The following CEP192 variants were observed in gnomAD, a reference collection of about 807,000 sequenced individuals.
CEP192 encodes centrosomal protein of 192 kDa.
Under a neutral mutation model 271.8 loss-of-function variants are expected in CEP192, and 151 were observed. That is an observed-to-expected ratio of 0.56 (90% CI 0.49 to 0.64). CEP192 has a LOEUF of 0.64. Among genes scored for constraint, CEP192 ranks in the 30% least tolerant of loss-of-function variants. CEP192 has a pLI of 0.00. For missense variants in CEP192, 2,910 were observed against 3,020.5 expected (o/e 0.96, Z 0.86); for synonymous variants, 995 against 1,076.5 (o/e 0.92, Z 1.48).
At chr18:13,031,081 G>A (rs913087915) in intron 11 of CEP192, among the ~76,000 whole-genome samples, 9 of 152,032 alleles carry the variant, frequency 5.9e-5, no homozygotes, top group African/African-American at 2.2e-4. Flanking sequence ...CATCATCCCC[G>A]ACAGTGAATA....
rs1052711321 is a variant in CEP192 at position 13,067,731 on chromosome 18, G to A, written c.4489-100G>A. The A allele has an allele frequency of 2.1e-5, 20 of 932,272 alleles. No homozygotes were observed. The African/African-American group carries it at 2.5e-4, about 11-fold the overall frequency. The allele number at this position is 932,272 out of a possible 1,614,324, so 57.7% of individuals were successfully genotyped here. On this transcript the variant is annotated intron_variant, in intron 21 of 44. Transcript: ENST00000506447. ...ATGTAGGTAAGTTTTACTTACTGCT[G>A]ACTCATAATTTGTGGCTAGAAATGG...
chr18:13,010,473 A>G (rs1031401158), intron 4 of CEP192, among the ~76,000 whole-genome samples: 7 of 152,244 alleles, frequency 4.6e-5, no homozygotes, highest in Middle Eastern at 3.2e-3. Context: ...TATCACTCAA[A>G]TAAGCAATAA....
At chr18:13,045,940 C>T (rs1418468740) in intron 15 of CEP192, among the ~76,000 whole-genome samples, 5 of 152,124 alleles carry the variant, frequency 3.3e-5, no homozygotes, top group Non-Finnish European at 4.4e-5. Context: ...CTTTATATTT[C>T]AGATGTTATA....
chr18:13,077,928 AAATT>A (rs762035381), intron 30 of CEP192, among the ~76,000 whole-genome samples: 50 of 140,222 alleles, frequency 3.6e-4, no homozygotes, highest in Admixed American at 1.2e-3. Flanking sequence ...CATCTTTTTA[AAATT>A]AATTAATTAA....
At chr18:13,098,558 G>A (rs534433499) in intron 36 of CEP192, among the ~76,000 whole-genome samples, 2 of 151,246 alleles carry the variant, frequency 1.3e-5, no homozygotes, top group South Asian at 4.2e-4. Context: ...CGGGGCAGAG[G>A]CGCTCCCCAC....
In CEP192 at chr18:13,056,175, A is replaced by G. The variant is rs1453035416; in HGVS notation, c.3585A>G (p.Glu1195=). ...HPVSCQEPID[E]DQRISPKDKS... is the part of the protein sequence containing the mutation. The stretch of plus-strand genomic sequence containing the variant: ...TGTCCTGCCAGGAGCCTATAGATGA[A>G]GATCAAAGAATAAGTCCTAAAGATA... The change falls in exon 19 of 45, where the codon GAA becomes GAG. Residue 1195 remains glutamate, a synonymous_variant. Coordinates refer to ENST00000506447, the MANE Select transcript of CEP192 (RefSeq NM_032142.4). The G allele has an allele frequency of 1.2e-6, 2 of 1,613,990 alleles. No individual in the cohort carries two copies. The highest frequency in any genetic ancestry group is 3.3e-4 in the Middle Eastern group (2 of 6,062).
chr18:13,062,132 C>G (rs910985309), intron 21 of CEP192, among the ~76,000 whole-genome samples: 14 of 152,214 alleles, frequency 9.2e-5, no homozygotes, highest in Non-Finnish European at 1.9e-4. Flanking sequence ...TCAAAAACTA[C>G]TGATGTCTGT....
rs1264983761 is a variant in CEP192 at position 13,100,197 on chromosome 18, T to TTTTG, written c.6664-99_6664-96dup. ...ACTTTAATTCCTAAATTTATTGATG[T>TTTTG]TTTGTTTGTTTGGCATTTCTTTTCT... On this transcript the variant is annotated intron_variant, in intron 37 of 44. Transcript: ENST00000506447. 13 of 723,070 alleles carry TTTTG rather than the reference T, an allele frequency of 1.8e-5. No individual in the cohort carries two copies. In the East Asian group the frequency reaches 3.5e-4, roughly 19 times the overall value. The allele number at this position is 723,070 out of a possible 1,614,324, so 44.8% of individuals were successfully genotyped here.
intron 1 of CEP192, among the ~76,000 whole-genome samples, chr18:12,998,412 C>T (rs1442334031): frequency 6.6e-6 from 1 of 152,182 alleles, no homozygotes; most frequent in East Asian, 1.9e-4. Context: ...CGAGTCAGAC[C>T]TGGGTTTGAA....
chr18:13,097,803 G>T (rs2039479534), intron 36 of CEP192, among the ~76,000 whole-genome samples: 1 of 151,540 alleles, frequency 6.6e-6, no homozygotes, highest in Non-Finnish European at 1.5e-5. Context: ...CTTCCGCAGT[G>T]TTTGTGTCCC....
intron 18 of CEP192, 93 bp downstream of exon 18, chr18:13,053,183 A>T: frequency 9.8e-7 from 1 of 1,019,998 alleles, no homozygotes; most frequent in East Asian, 2.5e-5. Flanking sequence ...AAGCCTATAT[A>T]ACTTCAGTGT....
At chr18:13,043,968 T>G (rs1446447326) in intron 15 of CEP192, among the ~76,000 whole-genome samples, 1 of 152,146 alleles carries the variant, frequency 6.6e-6, no homozygotes, top group Non-Finnish European at 1.5e-5. Context: ...AAGTGGGGTA[T>G]CCATCCCCTC....
chr18:13,069,772 C>T lies in CEP192; in HGVS notation c.5090C>T (p.Pro1697Leu), dbSNP rs1170103127. The stretch of plus-strand genomic sequence containing the variant: ...CAAGGAAGTCACTTTTCAGTGGATC[C>T]AAAGAATCTACTCCTTAAACCTGGA... ...PEQGSHFSVD[P>L]KNLLLKPGEE... The change falls in exon 27 of 45, where the codon CCA becomes CTA. Residue 1697 changes from proline to leucine, a missense_variant. Transcript: ENST00000506447. 23 of 1,596,010 alleles carry T rather than the reference C, an allele frequency of 1.4e-5. No homozygotes were observed. The highest frequency in any genetic ancestry group is 2.0e-5 in the Non-Finnish European group (23 of 1,164,446).
intron 44 of CEP192, among the ~76,000 whole-genome samples, chr18:13,122,706 G>C (rs1407230598): frequency 4.6e-5 from 7 of 152,208 alleles, no homozygotes; most frequent in Non-Finnish European, 1.0e-4. Flanking sequence ...CAGCCTGATG[G>C]CCTCTCTGCT....
At position 13,068,912 on chromosome 18, in the gene CEP192, A is replaced by G. The variant is rs779810809; in HGVS notation, c.4883A>G (p.Asn1628Ser). 38 of 1,614,026 alleles carry G rather than the reference A, an allele frequency of 2.4e-5. No homozygotes were observed. Among genetic ancestry groups the G allele is most frequent in the Admixed American group, 3.3e-5 (2 of 59,994 alleles). ...GTTGATATCGAAGTTGACAGCCCAA[A>G]CCCTACGCCCGTTCTTAGAAGTGTG... ...AKVDIEVDSP[N>S]PTPVLRSVSL... The change falls in exon 25 of 45, where the codon AAC becomes AGC. Residue 1628 changes from asparagine to serine, a missense_variant. Transcript: ENST00000506447.
At chr18:13,067,795 G>A in intron 21 of CEP192, 36 bp from the exon 22 acceptor site, 1 of 1,560,350 alleles carries the variant, frequency 6.4e-7, no homozygotes. Context: ...TTAATATATT[G>A]CTTTTCATAA....
At chr18:13,023,304 G>A (rs2035098626) in intron 9 of CEP192, among the ~76,000 whole-genome samples, 1 of 152,114 alleles carries the variant, frequency 6.6e-6, no homozygotes, top group Non-Finnish European at 1.5e-5. Flanking sequence ...GTGGTGAGAG[G>A]AGACATCTTT....
chr18:13,065,469 A>G (rs2037643929), intron 21 of CEP192, among the ~76,000 whole-genome samples: 1 of 152,222 alleles, frequency 6.6e-6, no homozygotes, highest in Admixed American at 6.5e-5. Flanking sequence ...TTTCTATTTC[A>G]TGATGACATT....
chr18:13,100,517 T>C lies in CEP192; in HGVS notation c.6871+5T>C, dbSNP rs776270207. On this transcript the variant is annotated splice_donor_5th_base_variant and intron_variant, in intron 38 of 44. Coordinates refer to ENST00000506447, the MANE Select transcript of CEP192 (RefSeq NM_032142.4). The stretch of plus-strand genomic sequence containing the variant: ...CAGAACCTGGTGAAACTTCAGGTAT[T>C]GTATCACAAAATTATGTAATTCAAA... 6.3e-7 allele frequency: 1 copy of C among 1,593,992 alleles called. No individual in the cohort carries two copies. The highest frequency in any genetic ancestry group is 8.6e-7 in the Non-Finnish European group (1 of 1,162,914).
Sources: gnomAD v4.1 joint callset for allele counts (sites outside exome capture counted in the v4.1 genomes callset) on GRCh38, gnomAD v4.1.1 for gene constraint, MANE v1.5 for transcripts, NCBI Gene and HGNC (gene_info 2026-07-23, HGNC 2026-07-21) for gene names.